The following ZNF804A variants were observed in gnomAD, a reference collection of about 807,000 sequenced individuals.
The protein encoded by ZNF804A is zinc finger protein 804A.
A neutral mutation model predicts 16.5 loss-of-function variants in ZNF804A; 2 were observed. The observed-to-expected ratio is 0.12, with a 90% CI of 0.05 to 0.38. The LOEUF (loss-of-function observed/expected upper bound fraction) is 0.38. Among genes scored for constraint, ZNF804A ranks in the 10% least tolerant of loss-of-function variants. The pLI is 0.99. For synonymous variants in ZNF804A, 534 were observed against 489.6 expected (o/e 1.09, Z -1.20); for missense variants, 1,473 against 1,390.7 (o/e 1.06, Z -0.94).
chr2:184,809,953 C>A (rs764889543), intron 1 of ZNF804A, among the ~76,000 whole-genome samples: 13 of 151,936 alleles, frequency 8.6e-5, no homozygotes, highest in Non-Finnish European at 1.3e-4. Context: ...CCAGTGAATT[C>A]AAATAGCAAA....
intron 2 of ZNF804A, among the ~76,000 whole-genome samples, chr2:184,930,932 G>C (rs1369973715): frequency 6.6e-6 from 1 of 152,158 alleles, no homozygotes; most frequent in Non-Finnish European, 1.5e-5. Flanking sequence ...AAGTAAAGAG[G>C]TTTGACTCAC....
chr2:184,637,088 G>A (rs1691711950), intron 1 of ZNF804A, among the ~76,000 whole-genome samples: 1 of 152,072 alleles, frequency 6.6e-6, no homozygotes, highest in Non-Finnish European at 1.5e-5. Context: ...TTCTTAATCT[G>A]CACATTATTC....
chr2:184,899,264 C>T (rs1685138343), intron 2 of ZNF804A, among the ~76,000 whole-genome samples: 1 of 151,914 alleles, frequency 6.6e-6, no homozygotes, highest in Admixed American at 6.6e-5. Flanking sequence ...CAAATCTTGG[C>T]TTTAGTAGTT....
chr2:184,772,995 T>G (rs1255848676), intron 1 of ZNF804A, among the ~76,000 whole-genome samples: 3 of 146,724 alleles, frequency 2.0e-5, no homozygotes, highest in South Asian at 2.1e-4. Context: ...GTGTGTGGGG[T>G]GTGTGTGTGT....
chr2:184,912,548 C>T (rs1420874126), intron 2 of ZNF804A, among the ~76,000 whole-genome samples: 3 of 152,024 alleles, frequency 2.0e-5, no homozygotes, highest in Non-Finnish European at 4.4e-5. Flanking sequence ...AGTGGCTGCA[C>T]CAATTTACAT....
At chr2:184,659,311 A>G (rs1477570263) in intron 1 of ZNF804A, among the ~76,000 whole-genome samples, 2 of 152,136 alleles carry the variant, frequency 1.3e-5, no homozygotes, top group African/African-American at 4.8e-5. Flanking sequence ...TCTGGCCACT[A>G]TTCATTTGTA....
intron 1 of ZNF804A, among the ~76,000 whole-genome samples, chr2:184,710,553 T>C (rs1242052442): frequency 6.6e-6 from 1 of 151,822 alleles, no homozygotes; most frequent in Non-Finnish European, 1.5e-5. Flanking sequence ...CAACAAAGTT[T>C]TAAGTGTATA....
At chr2:184,877,712 T>C (rs1318498862) in intron 2 of ZNF804A, among the ~76,000 whole-genome samples, 1 of 151,994 alleles carries the variant, frequency 6.6e-6, no homozygotes, top group African/African-American at 2.4e-5. Context: ...CTTTGAAGCT[T>C]TCCAGAAAAT....
At chr2:184,663,585 C>T (rs926852228) in intron 1 of ZNF804A, among the ~76,000 whole-genome samples, 29 of 152,084 alleles carry the variant, frequency 1.9e-4, no homozygotes, top group Non-Finnish European at 2.9e-5. Flanking sequence ...TGGTGAAGCC[C>T]CACCTTCAAG....
intron 2 of ZNF804A, among the ~76,000 whole-genome samples, chr2:184,915,490 T>C (rs1685433935): frequency 6.6e-6 from 1 of 152,096 alleles, no homozygotes; most frequent in Non-Finnish European, 1.5e-5. Context: ...CTATCCAATG[T>C]TTTCTTAGCA....
intron 2 of ZNF804A, among the ~76,000 whole-genome samples, chr2:184,870,172 T>G (rs1695952535): frequency 6.6e-6 from 1 of 152,012 alleles, no homozygotes; most frequent in South Asian, 2.1e-4. Flanking sequence ...AGAATCAAAA[T>G]TCATTTTGAG....
At chr2:184,754,007 T>A (rs1693915850) in intron 1 of ZNF804A, among the ~76,000 whole-genome samples, 1 of 151,868 alleles carries the variant, frequency 6.6e-6, no homozygotes, top group Non-Finnish European at 1.5e-5. Context: ...TACCCATTCA[T>A]CTTTCTCACT....
At chr2:184,723,254 T>G (rs1693350596) in intron 1 of ZNF804A, among the ~76,000 whole-genome samples, 1 of 151,866 alleles carries the variant, frequency 6.6e-6, no homozygotes, top group Non-Finnish European at 1.5e-5. Flanking sequence ...TGATAGAAAT[T>G]TTAAAATATC....
At chr2:184,694,107 C>A (rs1010002778) in intron 1 of ZNF804A, among the ~76,000 whole-genome samples, 2 of 142,156 alleles carry the variant, frequency 1.4e-5, no homozygotes, top group Non-Finnish European at 3.1e-5. Flanking sequence ...TTTATTTTTA[C>A]TTTTTTTTTT....
At chr2:184,647,508 C>T (rs992537285) in intron 1 of ZNF804A, among the ~76,000 whole-genome samples, 2 of 151,956 alleles carry the variant, frequency 1.3e-5, no homozygotes, top group African/African-American at 2.4e-5. Flanking sequence ...TAAAGCAGTC[C>T]AGGAAATGAA....
intron 1 of ZNF804A, among the ~76,000 whole-genome samples, chr2:184,719,418 G>T (rs1224287309): frequency 6.6e-6 from 1 of 152,090 alleles, no homozygotes; most frequent in African/African-American, 2.4e-5. Context: ...GCAAATTTCT[G>T]CAGCTGGCTG....
intron 1 of ZNF804A, among the ~76,000 whole-genome samples, chr2:184,853,563 A>G (rs970645310): frequency 2.0e-5 from 3 of 151,866 alleles, no homozygotes; most frequent in Non-Finnish European, 2.9e-5. Flanking sequence ...GTGTTAATGC[A>G]TATTCCTTCT....
intron 1 of ZNF804A, among the ~76,000 whole-genome samples, chr2:184,659,967 C>T (rs911027480): frequency 3.9e-5 from 6 of 152,132 alleles, no homozygotes; most frequent in Middle Eastern, 3.4e-3. Flanking sequence ...TAAAATTAGC[C>T]GGGTGTGGTT....
chr2:184,897,490 C>T (rs116715697), intron 2 of ZNF804A, among the ~76,000 whole-genome samples: 4,680 of 150,658 alleles, frequency 0.031, 114 homozygotes, highest in Non-Finnish European at 0.046. Flanking sequence ...TGTTTCCATA[C>T]AGCAATTTTT....
Sources: allele counts gnomAD v4.1 joint callset (sites outside exome capture counted in the v4.1 genomes callset), GRCh38; gene constraint gnomAD v4.1.1; transcripts MANE v1.5; gene names NCBI Gene and HGNC (gene_info 2026-07-23, HGNC 2026-07-21).